Variants in MYRF observed in about 807,000 individuals in gnomAD.
MYRF encodes the protein myelin gene regulatory factor.
A neutral mutation model predicts 126.3 loss-of-function variants in MYRF; 16 were observed. That is an observed-to-expected ratio of 0.13 (90% CI 0.09 to 0.19). MYRF has a LOEUF of 0.19. MYRF is among the 10% of genes least tolerant of loss of function. The probability of loss-of-function intolerance (pLI) is 1.00; values close to 1 mark genes in which losing one functional copy is unlikely to be tolerated. For missense variants in MYRF, 1,104 were observed against 1,547.0 expected (o/e 0.71, Z 4.80); for synonymous variants, 608 against 635.3 (o/e 0.96, Z 0.65).
chr11:61,785,914 C>A (rs1312480531), intron 26 of MYRF, 40 bp downstream of exon 26: 2 of 1,600,376 alleles, frequency 1.2e-6, no homozygotes, highest in Admixed American at 1.7e-5. Flanking sequence ...GGTCTGGGCA[C>A]CCCTGTCTGC....
intron 25 of MYRF, 169 bp downstream of exon 25, chr11:61,784,554 G>A (rs1016619460): frequency 7.1e-5 from 43 of 608,542 alleles, no homozygotes; most frequent in Admixed American, 2.9e-5. Flanking sequence ...AGGGGCACGC[G>A]TGCCCGTGTT....
chr11:61,765,959 T>G lies in MYRF; in HGVS notation c.136T>G (p.Cys46Gly), dbSNP rs2066046706. 1 of 1,508,022 alleles carries G rather than the reference T, an allele frequency of 6.6e-7. No homozygotes were observed. The highest frequency in any genetic ancestry group is 8.8e-7 in the Non-Finnish European group (1 of 1,130,974). The allele number at this position is 1,508,022 out of a possible 1,614,324, so 93.4% of individuals were successfully genotyped here. ...YISKEDASDL[C>G]FPDISAPASS... ...CTGAGCCGCCCCCCTTCCCCGCAGC[T>G]GCTTCCCTGACATCTCTGCTCCAGC... Residue 46 changes from cysteine (C) to glycine (G), a missense_variant and splice_region_variant, in exon 3 of 27, where the codon TGC becomes GGC. Around this residue, in one of 10 missense-constraint regions of MYRF, gnomAD observed 368 missense variants for 403.9 expected, o/e 0.91. Coordinates refer to ENST00000278836, the MANE Select transcript of MYRF (RefSeq NM_001127392.3).
intron 7 of MYRF, among the ~76,000 whole-genome samples, chr11:61,773,013 T>C (rs2135802897): frequency 6.6e-6 from 1 of 151,648 alleles, no homozygotes; most frequent in East Asian, 1.9e-4. Flanking sequence ...TCTTTTTTTT[T>C]TTTTTTTTTT....
chr11:61,776,571 T>C lies in MYRF; in HGVS notation c.1499+139T>C, dbSNP rs2066389356. 2 of 778,016 alleles carry C rather than the reference T, an allele frequency of 2.6e-6. No individual in the cohort carries two copies. The highest frequency in any genetic ancestry group is 4.2e-6 in the Non-Finnish European group (2 of 480,358). The allele number at this position is 778,016 out of a possible 1,614,324, so 48.2% of individuals were successfully genotyped here. ...GAGACCTGAGATTTAGAGCCCTTCATTGACTTAAGGATGGGAAGAGCAGAA... is the reference window on the plus strand; with the variant it reads ...GAGACCTGAGATTTAGAGCCCTTCACTGACTTAAGGATGGGAAGAGCAGAA... On this transcript the variant is annotated intron_variant, in intron 10 of 26. Coordinates refer to ENST00000278836, the MANE Select transcript of MYRF (RefSeq NM_001127392.3). This position sits in a 1 kb window ranked among gnomAD's most constrained non-coding sequence, Gnocchi z 4.3.
chr11:61,763,014 G>A (rs975508209), intron 1 of MYRF, among the ~76,000 whole-genome samples: 5 of 152,154 alleles, frequency 3.3e-5, no homozygotes, highest in Non-Finnish European at 7.4e-5. Context: ...GGGCGATTAG[G>A]AGTGCTCCTG....
intron 5 of MYRF, among the ~76,000 whole-genome samples, chr11:61,771,118 A>G (rs1179294572): frequency 6.6e-6 from 1 of 152,194 alleles, no homozygotes; most frequent in Non-Finnish European, 1.5e-5. Flanking sequence ...TTCTGATCAC[A>G]GGGCCTGCTC....
At chr11:61,775,191 A>C (rs1326154498) in intron 8 of MYRF, among the ~76,000 whole-genome samples, 1 of 152,052 alleles carries the variant, frequency 6.6e-6, no homozygotes, top group Non-Finnish European at 1.5e-5. Context: ...CTTGAGACTC[A>C]GGGGGCCACA....
At chr11:61,765,913 G>T in intron 2 of MYRF, 45 bp from the exon 3 acceptor site, 1 of 1,467,386 alleles carries the variant, frequency 6.8e-7, no homozygotes. Flanking sequence ...TTCCCTGCTG[G>T]GGCTGGGGTC....
At chr11:61,755,815 G>C in intron 1 of MYRF, 1 of 477,880 alleles carries the variant, frequency 2.1e-6, no homozygotes, top group Non-Finnish European at 4.1e-6. Flanking sequence ...CAGAAAGCAG[G>C]TGGGTGTGCA....
intron 16 of MYRF, 109 bp from the exon 17 acceptor site, chr11:61,779,733 G>C: frequency 8.2e-7 from 1 of 1,217,298 alleles, no homozygotes; most frequent in Non-Finnish European, 1.2e-6. Flanking sequence ...CTTTGCCCCC[G>C]GGGAAATGGG....
chr11:61,779,301 G>T lies in MYRF; in HGVS notation c.2052G>T (p.Glu684Asp). 1 of 1,549,032 alleles carries T rather than the reference G, an allele frequency of 6.5e-7. No homozygotes were observed. Residue 684 changes from glutamate to aspartate, a missense_variant, in exon 15 of 27, where the codon GAG becomes GAT. Physicochemically the swap from Glu to Asp is conservative, Grantham distance 45 (BLOSUM62 2). Around this residue, in one of 10 missense-constraint regions of MYRF, gnomAD observed 123 missense variants for 209.1 expected, o/e 0.59. Transcript: ENST00000278836. Reference protein sequence around the residue: ...IFMENVGAVKELCKLTDNLET... With the variant: ...IFMENVGAVKDLCKLTDNLET... ...TGGAGAACGTAGGGGCCGTGAAGGA[G>T]CTGTGCAAGCTGACAGACAACCTGG...
chr11:61,779,153 A>G (rs970855704), intron 14 of MYRF, 110 bp from the exon 15 acceptor site: 4 of 1,248,484 alleles, frequency 3.2e-6, no homozygotes, highest in Non-Finnish European at 4.4e-6. Context: ...CCCAGTGGCC[A>G]AGGACAGTGG....
Position 61,786,043 on chromosome 11 carries a change from C to A in MYRF, c.3376-20C>A, listed in dbSNP as rs773906204. ...CGCACCCCCAGAGCCACCTCACCTTCCCACTGCCCTTCCACCCAGGGTCAG... is the reference window on the plus strand; with the variant it reads ...CGCACCCCCAGAGCCACCTCACCTTACCACTGCCCTTCCACCCAGGGTCAG... On this transcript the variant is annotated intron_variant, in intron 26 of 26. Transcript: ENST00000278836. This position sits in a 1 kb window ranked among gnomAD's most constrained non-coding sequence, Gnocchi z 4.5. The A allele has an allele frequency of 6.2e-6, 10 of 1,613,666 alleles. No individual in the cohort carries two copies. The highest frequency in any genetic ancestry group is 1.7e-4 in the Middle Eastern group (1 of 6,060).
chr11:61,770,395 G>C lies in MYRF; in HGVS notation c.610G>C (p.Asp204His), dbSNP rs888096497. ...PPPHYPVLQR[D>H]LYMKAEPPIP... ...ACCTCACTACCCTGTCCTGCAGCGGGATCTGTACATGAAGGCCGAGCCCCC... is the reference window on the plus strand; with the variant it reads ...ACCTCACTACCCTGTCCTGCAGCGGCATCTGTACATGAAGGCCGAGCCCCC... The change falls in exon 5 of 27, where the codon GAT (aspartate) becomes CAT (histidine). Residue 204 changes from aspartate (D) to histidine (H), a missense_variant. Asp to His is a moderately conservative substitution (Grantham distance 81, BLOSUM62 -1). Coordinates refer to ENST00000278836, the MANE Select transcript of MYRF (RefSeq NM_001127392.3). 1.2e-5 allele frequency: 19 copies of C among 1,549,580 alleles called. No homozygotes were observed. Among genetic ancestry groups the C allele is most frequent in the Non-Finnish European group, 1.6e-5 (18 of 1,146,206 alleles).
intron 1 of MYRF, among the ~76,000 whole-genome samples, chr11:61,763,721 C>T (rs920857162): frequency 1.3e-5 from 2 of 151,958 alleles, no homozygotes; most frequent in African/African-American, 2.4e-5. Flanking sequence ...AAAAATTAGC[C>T]GTGTGTGGTG....
In MYRF at chr11:61,770,404, A is replaced by C; in HGVS notation, c.619A>C (p.Met207Leu). 6.5e-7 allele frequency: 1 copy of C among 1,548,206 alleles called. No individual in the cohort carries two copies. The highest frequency in any genetic ancestry group is 8.7e-7 in the Non-Finnish European group (1 of 1,145,756). The change falls in exon 5 of 27, where the codon ATG (methionine) becomes CTG (leucine). Residue 207 changes from methionine to leucine, a missense_variant. Coordinates refer to ENST00000278836, the MANE Select transcript of MYRF (RefSeq NM_001127392.3). ...HYPVLQRDLY[M>L]KAEPPIPHYA... The stretch of plus-strand genomic sequence containing the variant: ...CCCTGTCCTGCAGCGGGATCTGTAC[A>C]TGAAGGCCGAGCCCCCGATCCCCCA...
chr11:61,771,439 T>G, intron 5 of MYRF, 61 bp from the exon 6 acceptor site: 2 of 1,568,844 alleles, frequency 1.3e-6, no homozygotes, highest in Non-Finnish European at 1.7e-6. Context: ...AGGTGGATAC[T>G]ACCCAGTGGG....
Position 61,781,701 on chromosome 11 carries a change from T to C in MYRF, c.2893T>C (p.Phe965Leu). ...GCCTCTGGCCAGCCCTGCAGTCCCC[T>C]TCCCTGGGGGGCAGGGCAAAGCCAA... ...LEPLASPAVP[F>L]PGGQGKAKNS... Residue 965 changes from phenylalanine (F) to leucine (L), a missense_variant, in exon 22 of 27, where the codon TTC becomes CTC. By Grantham distance (22) the Phe-to-Leu change is conservative (BLOSUM62 0). Around this residue, in one of 10 missense-constraint regions of MYRF, gnomAD observed 323 missense variants for 383.1 expected, o/e 0.84. Transcript: ENST00000278836. The C allele has an allele frequency of 6.2e-7, 1 of 1,613,528 alleles. No individual in the cohort carries two copies. Among genetic ancestry groups the C allele is most frequent in the Non-Finnish European group, 8.5e-7 (1 of 1,180,010 alleles).
At chr11:61,772,762 A>C (rs2066263661) in intron 7 of MYRF, among the ~76,000 whole-genome samples, 3 of 152,204 alleles carry the variant, frequency 2.0e-5, no homozygotes, top group African/African-American at 7.2e-5. Context: ...GCAGCCCCGG[A>C]AGTGGCCCAG....
Sources: gnomAD v4.1 joint callset for allele counts (sites outside exome capture counted in the v4.1 genomes callset) on GRCh38, gnomAD v4.1.1 for gene constraint, gnomAD v4.1.1 regional missense constraint, Gnocchi (gnomAD v3.1) non-coding constraint, MANE v1.5 for transcripts, NCBI Gene and HGNC (gene_info 2026-07-23, HGNC 2026-07-21) for gene names.